SYN3: variants seen among roughly 807,000 people sequenced by gnomAD.
SYN3 encodes the protein synapsin-3.
Under a neutral mutation model 65.8 loss-of-function variants are expected in SYN3, and 35 were observed. That is an observed-to-expected ratio of 0.53 (90% CI 0.41 to 0.70). SYN3 has a LOEUF of 0.70. SYN3 is among the 30% of genes least tolerant of loss of function. The pLI is 0.00. For synonymous variants in SYN3, 270 were observed against 292.9 expected, an observed-to-expected ratio of 0.92 and a Z score of 0.80; for missense variants, 680 against 749.0, an observed-to-expected ratio of 0.91 and a Z score of 1.08.
At chr22:32,691,234 T>G (rs1425789891) in intron 6 of SYN3, among the ~76,000 whole-genome samples, 3 of 152,112 alleles carry the variant, frequency 2.0e-5, no homozygotes, top group Non-Finnish European at 4.4e-5. Flanking sequence ...CACAGCTTGA[T>G]TCAAAATCAG....
intron 6 of SYN3, among the ~76,000 whole-genome samples, chr22:32,784,079 T>C (rs1399232620): frequency 2.0e-5 from 3 of 152,240 alleles, no homozygotes. Flanking sequence ...ACTTTGCAAG[T>C]GCTTCCAACT....
rs1042717137 is a variant in SYN3, at chr22:32,777,223, C to T, written c.711+87692G>A. On this transcript the variant is annotated intron_variant, in intron 6 of 13. Transcript: ENST00000358763. The stretch of plus-strand genomic sequence containing the variant: ...AGACCACACAGCTAGTATATTCTAT[C>T]GAAAGCATCCTTCGTGTCCCAGCTG... Among the ~76,000 whole-genome samples, 10 of 152,224 alleles carry T rather than the reference C, an allele frequency of 6.6e-5. No individual in the cohort carries two copies. In the East Asian group the frequency reaches 1.3e-3, roughly 21 times the overall value.
intron 6 of SYN3, among the ~76,000 whole-genome samples, chr22:32,608,957 C>T (rs1251330097): frequency 2.0e-5 from 3 of 152,016 alleles, no homozygotes; most frequent in East Asian, 1.9e-4. Context: ...CTCTTTTTTT[C>T]TTCTTCTTTT....
chr22:32,770,902 T>G (rs973178335), intron 6 of SYN3, among the ~76,000 whole-genome samples: 1 of 86,726 alleles, frequency 1.2e-5, no homozygotes, highest in African/African-American at 7.1e-5. Flanking sequence ...TATTATTTAT[T>G]TATTTTACTT....
At chr22:33,039,127 A>T (rs1350097117) in intron 1 of SYN3, among the ~76,000 whole-genome samples, 1 of 152,166 alleles carries the variant, frequency 6.6e-6, no homozygotes, top group African/African-American at 2.4e-5. Context: ...GCTCCTGGCA[A>T]TCCTGGGAGA....
chr22:32,524,291 A>G (rs1303278875), intron 12 of SYN3, among the ~76,000 whole-genome samples: 1 of 152,222 alleles, frequency 6.6e-6, no homozygotes, highest in Non-Finnish European at 1.5e-5. Flanking sequence ...TTTCATAGCT[A>G]AAGAGGAGAA....
chr22:32,885,443 C>G (rs2049261235), intron 4 of SYN3, among the ~76,000 whole-genome samples: 1 of 152,196 alleles, frequency 6.6e-6, no homozygotes, highest in Non-Finnish European at 1.5e-5. Flanking sequence ...GGGCCATACC[C>G]TCATGCCTAT....
intron 1 of SYN3, among the ~76,000 whole-genome samples, chr22:33,012,926 G>A (rs1252762300): frequency 6.6e-6 from 1 of 152,052 alleles, no homozygotes; most frequent in Non-Finnish European, 1.5e-5. Context: ...TCTATTTTTT[G>A]TTTTTCTCCA....
chr22:32,785,467 G>C (rs145342291), intron 6 of SYN3, among the ~76,000 whole-genome samples: 1 of 152,118 alleles, frequency 6.6e-6, no homozygotes, highest in Non-Finnish European at 1.5e-5. Flanking sequence ...AGTCCTGGGG[G>C]GCTGATGGAA....
At chr22:32,792,613 G>A (rs987766956) in intron 6 of SYN3, among the ~76,000 whole-genome samples, 9 of 152,098 alleles carry the variant, frequency 5.9e-5, no homozygotes, top group Non-Finnish European at 1.3e-4. Flanking sequence ...AGTAAGGAAG[G>A]GCACACCCGC....
chr22:32,670,075 T>C (rs2060339966), intron 6 of SYN3, among the ~76,000 whole-genome samples: 1 of 152,228 alleles, frequency 6.6e-6, no homozygotes, highest in Non-Finnish European at 1.5e-5. Context: ...ATTAAACTTG[T>C]ATCATGTTTA....
intron 2 of SYN3, among the ~76,000 whole-genome samples, chr22:32,992,796 T>C (rs2052759697): frequency 6.6e-6 from 1 of 152,074 alleles, no homozygotes; most frequent in Non-Finnish European, 1.5e-5. Flanking sequence ...CTGGGTGACA[T>C]AGCGAGACTC....
At chr22:32,571,397 C>T (rs935858372) in intron 7 of SYN3, among the ~76,000 whole-genome samples, 2 of 152,142 alleles carry the variant, frequency 1.3e-5, no homozygotes, top group Non-Finnish European at 2.9e-5. Context: ...TATGTGGCAC[C>T]CTGGCCACCA....
intron 1 of SYN3, among the ~76,000 whole-genome samples, chr22:33,012,066 T>C (rs1476532732): frequency 6.6e-6 from 1 of 152,216 alleles, no homozygotes; most frequent in Non-Finnish European, 1.5e-5. Flanking sequence ...ACTTCCTTTC[T>C]TCTCCTTACT....
chr22:32,733,916 A>C (rs541403787), intron 6 of SYN3, among the ~76,000 whole-genome samples: 100 of 151,830 alleles, frequency 6.6e-4, no homozygotes, highest in Non-Finnish European at 1.3e-3. Flanking sequence ...TGGAGAGGAC[A>C]GAGATTTACA....
At chr22:32,652,697 G>C (rs1170913229) in intron 6 of SYN3, among the ~76,000 whole-genome samples, 1 of 152,166 alleles carries the variant, frequency 6.6e-6, no homozygotes, top group African/African-American at 2.4e-5. Context: ...GTCAGAGGAA[G>C]TGATGTCAGA....
chr22:32,739,174 AGG>A, intron 6 of SYN3, among the ~76,000 whole-genome samples: 1 of 146,130 alleles, frequency 6.8e-6, no homozygotes, highest in East Asian at 2.0e-4. Flanking sequence ...ATTGAATCAC[AGG>A]GGGGGGGCGG....
intron 7 of SYN3, among the ~76,000 whole-genome samples, chr22:32,596,166 C>G (rs2059196143): frequency 6.6e-6 from 1 of 152,204 alleles, no homozygotes; most frequent in African/African-American, 2.4e-5. Flanking sequence ...CTTTCGCCTT[C>G]TGACACAGTT....
chr22:32,835,537 T>G (rs1282425012), intron 6 of SYN3, among the ~76,000 whole-genome samples: 1 of 152,032 alleles, frequency 6.6e-6, no homozygotes, highest in Non-Finnish European at 1.5e-5. Context: ...GAAGTATGAG[T>G]GGCAGTTGAT....
Sources: gnomAD v4.1 joint callset for allele counts (sites outside exome capture counted in the v4.1 genomes callset) on GRCh38, gnomAD v4.1.1 for gene constraint, MANE v1.5 for transcripts, NCBI Gene and HGNC (gene_info 2026-07-23, HGNC 2026-07-21) for gene names.